MPPED1: variants seen among roughly 807,000 people sequenced by gnomAD.
MPPED1 encodes metallophosphoesterase domain-containing protein 1.
A neutral mutation model predicts 36.2 loss-of-function variants in MPPED1; 16 were observed. The ratio of observed to expected loss-of-function variants is 0.44; its 90% CI spans 0.30 to 0.67. The LOEUF is 0.67. Ranked by LOEUF, MPPED1 falls within the 30% of genes least tolerant of loss-of-function variation. The pLI, the probability that MPPED1 is intolerant of heterozygous loss-of-function variation, is 0.10. For missense variants in MPPED1, 307 were observed against 453.4 expected (o/e 0.68, Z 2.93); for synonymous variants, 199 against 191.3 (o/e 1.04, Z -0.33).
rs375438131 is a variant in MPPED1 at position 43,466,250 on chromosome 22, G to T, written c.407-8486G>T. On this transcript the variant is annotated intron_variant, in intron 3 of 6. Transcript: ENST00000443721. The stretch of plus-strand genomic sequence containing the variant: ...ATCCAGCAGCCTCCCATGAGGACCC[G>T]TGGAGGCTGGATGAGGCCAGGGGGT... Among the ~76,000 whole-genome samples the T allele has an allele frequency of 1.1e-4, 16 of 152,318 alleles. No individual in the cohort carries two copies. In the East Asian group the frequency reaches 1.4e-3, roughly 13 times the overall value.
chr22:43,457,789 T>C (rs1182553823), intron 3 of MPPED1, among the ~76,000 whole-genome samples: 1 of 152,202 alleles, frequency 6.6e-6, no homozygotes, highest in East Asian at 1.9e-4. Flanking sequence ...TGCTCTAATG[T>C]AGAGTTCTAT....
chr22:43,424,706 C>T (rs1004234166), intron 1 of MPPED1, among the ~76,000 whole-genome samples: 2 of 151,804 alleles, frequency 1.3e-5, no homozygotes, highest in African/African-American at 2.4e-5. Context: ...TTGTCCCCTC[C>T]CTCCCTTCCC....
intron 3 of MPPED1, among the ~76,000 whole-genome samples, chr22:43,446,062 G>T (rs1231171894): frequency 1.3e-5 from 2 of 148,554 alleles, no homozygotes; most frequent in Admixed American, 1.4e-4. Context: ...GTAGAGACGG[G>T]GTTTCACCAT....
At chr22:43,498,100 G>C (rs2146918786) in intron 4 of MPPED1, 135 bp from the exon 5 acceptor site, 1 of 617,368 alleles carries the variant, frequency 1.6e-6, no homozygotes, top group Non-Finnish European at 2.8e-6. Context: ...GCCTTCCCTA[G>C]GTGGAGACCT....
At chr22:43,496,059 T>A (rs1169504976) in intron 4 of MPPED1, among the ~76,000 whole-genome samples, 2 of 54,254 alleles carry the variant, frequency 3.7e-5, no homozygotes, top group Non-Finnish European at 3.8e-5. Context: ...GTGGTGATGG[T>A]GGAGGTGGTG....
At chr22:43,483,222 C>T (rs1354412839) in intron 4 of MPPED1, among the ~76,000 whole-genome samples, 1 of 152,260 alleles carries the variant, frequency 6.6e-6, no homozygotes, top group African/African-American at 2.4e-5. Context: ...AGGTTAATCT[C>T]CTGGCCCCAT....
At chr22:43,412,187 G>A in intron 1 of MPPED1, 29 bp downstream of exon 1, 1 of 975,918 alleles carries the variant, frequency 1.0e-6, no homozygotes, top group Non-Finnish European at 1.2e-6. Context: ...GGGGCGCGGC[G>A]GGCGCGGGCG....
At position 43,497,177 on chromosome 22, in the gene MPPED1, T is replaced by G. The variant is rs147412326; in HGVS notation, c.633-1058T>G. On this transcript the variant is annotated intron_variant, in intron 4 of 6. Coordinates refer to ENST00000443721, the MANE Select transcript of MPPED1 (RefSeq NM_001044370.2). Reference sequence around the variant, plus strand: ...AATGGAGGTGGTGGTGGAAGTGCTGTTGATGGTAGAAGTGCTAGTGATGGT... The same window carrying G: ...AATGGAGGTGGTGGTGGAAGTGCTGGTGATGGTAGAAGTGCTAGTGATGGT... 6.2e-3 allele frequency among the ~76,000 whole-genome samples: 927 copies of G among 150,230 alleles called. 6 individuals carry two copies. The highest frequency in any genetic ancestry group is 0.034 in the Middle Eastern group (10 of 290).
At chr22:43,426,527 GC>G (rs1237660726) in intron 2 of MPPED1, among the ~76,000 whole-genome samples, 2 of 152,204 alleles carry the variant, frequency 1.3e-5, no homozygotes, top group Admixed American at 1.3e-4. Flanking sequence ...TCTTAGGGCA[GC>G]GGTGCTTGTG....
chr22:43,414,366 G>A (rs1036783483), intron 1 of MPPED1, among the ~76,000 whole-genome samples: 2 of 152,084 alleles, frequency 1.3e-5, no homozygotes, highest in South Asian at 2.1e-4. Context: ...GACGGTGGTC[G>A]CTGGGATTCC....
chr22:43,489,589 G>C (rs999590664), intron 4 of MPPED1, among the ~76,000 whole-genome samples: 1 of 151,906 alleles, frequency 6.6e-6, no homozygotes, highest in African/African-American at 2.4e-5. Context: ...CATGATCTCA[G>C]CTCACTGCAA....
At chr22:43,497,961 CTT>C (rs745755958) in intron 4 of MPPED1, among the ~76,000 whole-genome samples, 3,452 of 133,450 alleles carry the variant, frequency 0.026, 65 homozygotes, top group East Asian at 0.051. Flanking sequence ...ATTTAGCTTT[CTT>C]TTTTTTTTGG....
intron 3 of MPPED1, among the ~76,000 whole-genome samples, chr22:43,464,468 T>C (rs552264432): frequency 6.6e-6 from 1 of 152,288 alleles, no homozygotes; most frequent in Admixed American, 6.5e-5. Flanking sequence ...GCTTCCAGAT[T>C]TGATAGCTAA....
intron 2 of MPPED1, among the ~76,000 whole-genome samples, chr22:43,427,874 C>G (rs890826309): frequency 6.6e-6 from 1 of 152,138 alleles, no homozygotes; most frequent in Admixed American, 6.5e-5. Context: ...CCCCGTGACA[C>G]TAGTCCATGC....
intron 6 of MPPED1, among the ~76,000 whole-genome samples, chr22:43,504,788 T>C (rs1007684589): frequency 6.6e-5 from 10 of 151,686 alleles, no homozygotes; most frequent in Non-Finnish European, 1.5e-4. Context: ...TTGGTTATGA[T>C]GATGTTGATG....
At position 43,505,726 on chromosome 22, in the gene MPPED1, C is replaced by T; in HGVS notation, c.*110C>T. ...TGGACGACCCATCTGGCTGCGGGGA[C>T]TGGCCTAGCAGGCAGGTCAGGGCCT... On this transcript the variant is annotated 3_prime_UTR_variant, in exon 7 of 7. Transcript: ENST00000443721. The T allele has an allele frequency of 1.0e-6, 1 of 971,454 alleles. No individual in the cohort carries two copies. The highest frequency in any genetic ancestry group is 1.6e-6 in the Non-Finnish European group (1 of 638,806). 60.2% of individuals were successfully genotyped at this position (971,454 alleles called of 1,614,324 possible).
intron 5 of MPPED1, among the ~76,000 whole-genome samples, chr22:43,500,224 TG>T: frequency 1.1e-5 from 1 of 90,008 alleles, no homozygotes; most frequent in Non-Finnish European, 2.2e-5. Context: ...GGGGTGATGG[TG>T]GAGGTGGTGA....
chr22:43,500,796 G>T (rs1276915499), intron 5 of MPPED1, among the ~76,000 whole-genome samples: 1 of 152,076 alleles, frequency 6.6e-6, no homozygotes, highest in African/African-American at 2.4e-5. Flanking sequence ...AGCCCCGTGG[G>T]ACACATTCGG....
intron 4 of MPPED1, among the ~76,000 whole-genome samples, chr22:43,476,405 G>T (rs1394962523): frequency 6.6e-6 from 1 of 152,104 alleles, no homozygotes; most frequent in African/African-American, 2.4e-5. Flanking sequence ...GAGGAGTAAC[G>T]TGGCCTGAGG....
Sources: gnomAD v4.1 joint callset for allele counts (sites outside exome capture counted in the v4.1 genomes callset) on GRCh38, gnomAD v4.1.1 for gene constraint, MANE v1.5 for transcripts, NCBI Gene and HGNC (gene_info 2026-07-23, HGNC 2026-07-21) for gene names.